SHISA9: variants seen among roughly 807,000 people sequenced by gnomAD.
SHISA9 encodes the protein protein shisa-9.
Under a neutral mutation model 38.0 loss-of-function variants are expected in SHISA9, and 13 were observed. That is an observed-to-expected ratio of 0.34 (90% CI 0.22 to 0.54). SHISA9 has a LOEUF of 0.54. SHISA9 is among the 20% of genes least tolerant of loss of function. SHISA9 has a pLI of 0.91. For synonymous variants in SHISA9, 275 were observed against 242.0 expected (o/e 1.14, Z -1.27); for missense variants, 538 against 575.8 (o/e 0.93, Z 0.67).
At chr16:12,994,993 A>C (rs948696901) in intron 2 of SHISA9, among the ~76,000 whole-genome samples, 1 of 152,160 alleles carries the variant, frequency 6.6e-6, no homozygotes, top group Admixed American at 6.5e-5. Context: ...TTTTTATCGC[A>C]TGTAAACAAT....
At chr16:12,976,121 T>G (rs1409459580) in intron 2 of SHISA9, among the ~76,000 whole-genome samples, 1 of 152,138 alleles carries the variant, frequency 6.6e-6, no homozygotes, top group Non-Finnish European at 1.5e-5. Context: ...AGAGTCTTGC[T>G]TTGTCACCCA....
chr16:13,086,809 CT>C, intron 2 of SHISA9, among the ~76,000 whole-genome samples: 1 of 151,660 alleles, frequency 6.6e-6, no homozygotes. Flanking sequence ...AAGAACCAGA[CT>C]TTTATTTTTT....
intron 2 of SHISA9, among the ~76,000 whole-genome samples, chr16:12,935,114 G>A (rs1567344271): frequency 6.6e-6 from 1 of 152,176 alleles, no homozygotes; most frequent in Non-Finnish European, 1.5e-5. Flanking sequence ...GGCTGGGAAG[G>A]ACAGGGGCTT....
chr16:13,367,651 T>TGA, the SHISA9 span, among the ~76,000 whole-genome samples: 48 of 140,614 alleles, frequency 3.4e-4, 1 homozygote, highest in Non-Finnish European at 6.9e-4. Flanking sequence ...GCAAGTAGGA[T>TGA]GCGGGGGGGA....
the SHISA9 span, among the ~76,000 whole-genome samples, chr16:13,341,960 C>G: frequency 6.6e-6 from 1 of 152,140 alleles, no homozygotes; most frequent in Admixed American, 6.5e-5. Context: ...ATCTGGGCAT[C>G]TCTTTGCTTC....
At chr16:13,354,863 T>C in the SHISA9 span, among the ~76,000 whole-genome samples, 1 of 152,154 alleles carries the variant, frequency 6.6e-6, no homozygotes, top group African/African-American at 2.4e-5. Flanking sequence ...ATGAGAATTA[T>C]GGCGAGATAG....
In SHISA9 at chr16:13,021,193, G is replaced by C. The variant is rs952204565; in HGVS notation, c.691+104378G>C. On this transcript the variant is annotated intron_variant, in intron 2 of 4. Transcript: ENST00000558583. ...TTTTGCCTCCCTCCTACCTCCTTCA[G>C]GGTGTTTGGTGGCATTTGGAGACAT... 5.9e-5 allele frequency among the ~76,000 whole-genome samples: 9 copies of C among 152,270 alleles called. No individual in the cohort carries two copies. In the East Asian group the frequency reaches 1.5e-3, roughly 26 times the overall value.
the SHISA9 span, among the ~76,000 whole-genome samples, chr16:13,318,323 A>ATT: frequency 1.4e-5 from 2 of 145,640 alleles, no homozygotes; most frequent in Non-Finnish European, 3.0e-5. Context: ...AAATACCTCC[A>ATT]TTTTTTTTTT....
chr16:13,104,774 T>C (rs113148695), intron 2 of SHISA9, among the ~76,000 whole-genome samples: 5,436 of 152,236 alleles, frequency 0.036, 136 homozygotes, highest in Middle Eastern at 0.068. Flanking sequence ...TGGAGGATAA[T>C]CGAAATTCTA....
At chr16:13,072,649 T>C (rs1413494239) in intron 2 of SHISA9, among the ~76,000 whole-genome samples, 1 of 152,138 alleles carries the variant, frequency 6.6e-6, no homozygotes, top group African/African-American at 2.4e-5. Flanking sequence ...TTTATTTTAT[T>C]TTAAAAAAGT....
At chr16:13,383,099 C>T in the SHISA9 span, among the ~76,000 whole-genome samples, 29 of 152,036 alleles carry the variant, frequency 1.9e-4, no homozygotes, top group African/African-American at 6.5e-4. Context: ...TGGAGAGAAA[C>T]AATAAATAAA....
At chr16:13,184,208 C>T (rs1386661548) in intron 2 of SHISA9, among the ~76,000 whole-genome samples, 2 of 152,134 alleles carry the variant, frequency 1.3e-5, no homozygotes, top group African/African-American at 4.8e-5. Context: ...CACCTATTTC[C>T]ATTCCACTGC....
chr16:13,006,606 T>C (rs1015210902), intron 2 of SHISA9, among the ~76,000 whole-genome samples: 4 of 152,232 alleles, frequency 2.6e-5, no homozygotes, highest in African/African-American at 9.6e-5. Flanking sequence ...TGGCTCACAA[T>C]AGGTGCTTAC....
rs187930662 is a variant in SHISA9 at position 13,152,219 on chromosome 16, A to G, written c.692-51175A>G. Among the ~76,000 whole-genome samples, 10 of 152,294 alleles carry G rather than the reference A, an allele frequency of 6.6e-5. No individual in the cohort carries two copies. In the East Asian group the frequency reaches 1.9e-3, roughly 29 times the overall value. ...CCCTAGAAATAAATTCATCTAGTTG[A>G]GCTATTTATTTCAGACACTTTTTTT... On this transcript the variant is annotated intron_variant, in intron 2 of 4. Coordinates refer to ENST00000558583, the MANE Select transcript of SHISA9 (RefSeq NM_001145204.3).
At chr16:12,905,706 C>T (rs1405789695) in intron 1 of SHISA9, among the ~76,000 whole-genome samples, 1 of 151,978 alleles carries the variant, frequency 6.6e-6, no homozygotes, top group African/African-American at 2.4e-5. Context: ...ATTCTCCTGC[C>T]TCAGCCTCCT....
chr16:13,004,268 G>A (rs1390464669), intron 2 of SHISA9, among the ~76,000 whole-genome samples: 2 of 152,198 alleles, frequency 1.3e-5, no homozygotes, highest in Non-Finnish European at 2.9e-5. Context: ...AAAGGGACAT[G>A]ATGTAGTCAA....
At chr16:13,056,153 G>C (rs898622454) in intron 2 of SHISA9, among the ~76,000 whole-genome samples, 4 of 152,198 alleles carry the variant, frequency 2.6e-5, no homozygotes, top group Non-Finnish European at 4.4e-5. Context: ...ATAGGATATA[G>C]GGGCCATGCG....
intron 2 of SHISA9, among the ~76,000 whole-genome samples, chr16:13,167,985 C>T (rs2050652506): frequency 6.6e-6 from 1 of 152,138 alleles, no homozygotes. Flanking sequence ...TTATTCAGGT[C>T]TCAGCTCACC....
chr16:12,952,286 A>G (rs1304750574), intron 2 of SHISA9, among the ~76,000 whole-genome samples: 1 of 152,160 alleles, frequency 6.6e-6, no homozygotes, highest in African/African-American at 2.4e-5. Context: ...CTGGAATTGG[A>G]TGTCTCCACT....
Sources: allele counts gnomAD v4.1 joint callset (sites outside exome capture counted in the v4.1 genomes callset), GRCh38; gene constraint gnomAD v4.1.1; transcripts MANE v1.5; gene names NCBI Gene and HGNC (gene_info 2026-07-23, HGNC 2026-07-21).